The following CEP63 variants were observed in gnomAD, a reference collection of about 807,000 sequenced individuals.
CEP63 encodes centrosomal protein of 63 kDa.
CEP63 carries 84 observed loss-of-function variants against 89.1 expected under a neutral mutation model. The observed-to-expected ratio is 0.94, with a 90% CI of 0.79 to 1.13. The LOEUF is 1.13. Among genes scored for constraint, CEP63 ranks in the 50% most tolerant of loss-of-function variants. The pLI is 0.00. For synonymous variants in CEP63, 267 were observed against 272.5 expected (o/e 0.98, Z 0.20); for missense variants, 838 against 813.3 (o/e 1.03, Z -0.37).
the CEP63 span, among the ~76,000 whole-genome samples, chr3:134,650,236 G>C: frequency 6.6e-6 from 1 of 152,224 alleles, no homozygotes; most frequent in Admixed American, 6.5e-5. Context: ...ATAAGTTCAA[G>C]TGGAGACAGC....
chr3:134,717,969 A>AG, the CEP63 span, among the ~76,000 whole-genome samples: 6 of 152,130 alleles, frequency 3.9e-5, no homozygotes, highest in African/African-American at 1.4e-4. Context: ...GGCTTTACTG[A>AG]CAAGTTTCTA....
At chr3:134,636,673 C>A in the CEP63 span, among the ~76,000 whole-genome samples, 1 of 152,202 alleles carries the variant, frequency 6.6e-6, no homozygotes, top group Admixed American at 6.5e-5. Flanking sequence ...TTCTAGCTAA[C>A]CTGCAGATTG....
At chr3:134,586,071 A>T (rs9714039) in intron 10 of CEP63, among the ~76,000 whole-genome samples, 97,839 of 151,770 alleles carry the variant, frequency 0.64, 32,111 homozygotes, top group East Asian at 0.81. Flanking sequence ...CCATCCCTTT[A>T]TTTTGAGCCT....
chr3:134,741,987 AGT>A, the CEP63 span, among the ~76,000 whole-genome samples: 2,270 of 146,820 alleles, frequency 0.015, 33 homozygotes, highest in East Asian at 0.045. Context: ...CTGAGAGACC[AGT>A]GTGTGTGTGT....
intron 10 of CEP63, among the ~76,000 whole-genome samples, chr3:134,549,857 G>A (rs574513964): frequency 2.6e-5 from 4 of 152,264 alleles, no homozygotes; most frequent in African/African-American, 7.2e-5. Flanking sequence ...CTGTTTTGAG[G>A]TATAATAAAT....
At chr3:134,664,644 C>T in the CEP63 span, among the ~76,000 whole-genome samples, 1 of 149,280 alleles carries the variant, frequency 6.7e-6, no homozygotes, top group Non-Finnish European at 1.5e-5. Context: ...CCTCCTGGCA[C>T]ATGACAGGTG....
At chr3:134,574,324 T>G (rs896296183) in intron 11 of CEP63, among the ~76,000 whole-genome samples, 2 of 152,180 alleles carry the variant, frequency 1.3e-5, no homozygotes, top group African/African-American at 2.4e-5. Context: ...AAATCTGTTT[T>G]TACAAAGCAA....
intron 9 of CEP63, 112 bp from the exon 10 acceptor site, chr3:134,548,947 ATGT>A (rs1210203399): frequency 5.7e-6 from 4 of 698,108 alleles, no homozygotes. Flanking sequence ...GACTGAGGTG[ATGT>A]TTAAGATATT....
chr3:134,615,855 TCTGACTGCACACA>T, the CEP63 span, among the ~76,000 whole-genome samples: 1 of 152,198 alleles, frequency 6.6e-6, no homozygotes, highest in Non-Finnish European at 1.5e-5. Context: ...GAAGCAGCCA[TCTGACTGCACACA>T]CTCCTGCCCC....
chr3:134,605,128 C>A, the CEP63 span, among the ~76,000 whole-genome samples: 35 of 152,102 alleles, frequency 2.3e-4, no homozygotes, highest in African/African-American at 8.2e-4. Context: ...TGCCACCCCC[C>A]ATCTCTCCCC....
At chr3:134,710,878 T>A in the CEP63 span, among the ~76,000 whole-genome samples, 1 of 151,986 alleles carries the variant, frequency 6.6e-6, no homozygotes, top group African/African-American at 2.4e-5. Context: ...CGCACCACCA[T>A]GCCAGGCTAA....
At chr3:134,608,453 C>A in the CEP63 span, 13 of 1,522,900 alleles carry the variant, frequency 8.5e-6, no homozygotes, top group Non-Finnish European at 1.1e-5. Flanking sequence ...GCCTATGGCC[C>A]TTCCCTGCCC....
intron 1 of CEP63, among the ~76,000 whole-genome samples, chr3:134,492,597 A>G (rs570002371): frequency 6.7e-6 from 1 of 150,104 alleles, no homozygotes; most frequent in Admixed American, 6.6e-5. Flanking sequence ...TTTAAACAGG[A>G]ATCTCTATCT....
the CEP63 span, among the ~76,000 whole-genome samples, chr3:134,645,682 G>A: frequency 1.3e-5 from 2 of 152,102 alleles, no homozygotes; most frequent in Admixed American, 6.5e-5. Context: ...CTGGGCTCAG[G>A]GCCTCTGTGG....
downstream of CEP63, among the ~76,000 whole-genome samples, chr3:134,576,107 C>T (rs1328573917): frequency 1.3e-5 from 2 of 152,132 alleles, no homozygotes; most frequent in South Asian, 2.1e-4. Context: ...ATGCTTTTCA[C>T]GGGAAGTCTT....
the CEP63 span, among the ~76,000 whole-genome samples, chr3:134,666,667 C>T: frequency 3.9e-5 from 6 of 152,132 alleles, no homozygotes; most frequent in Non-Finnish European, 7.4e-5. Flanking sequence ...GGAGGCACCT[C>T]GGAGGTCATG....
the CEP63 span, among the ~76,000 whole-genome samples, chr3:134,738,971 A>T: frequency 6.6e-6 from 1 of 151,860 alleles, no homozygotes; most frequent in Admixed American, 6.6e-5. Context: ...TATAATAAAA[A>T]AAAAAAAAAC....
the CEP63 span, among the ~76,000 whole-genome samples, chr3:134,694,337 T>A: frequency 1.3e-5 from 2 of 152,192 alleles, no homozygotes; most frequent in African/African-American, 4.8e-5. Flanking sequence ...AGGCTCCTCA[T>A]CTGGCTGCAG....
chr3:134,649,083 G>T, the CEP63 span, among the ~76,000 whole-genome samples: 1 of 152,178 alleles, frequency 6.6e-6, no homozygotes, highest in Admixed American at 6.5e-5. Flanking sequence ...GGCATCAAAA[G>T]CCATGCACTT....
Sources: gnomAD v4.1 joint callset for allele counts (sites outside exome capture counted in the v4.1 genomes callset) on GRCh38, gnomAD v4.1.1 for gene constraint, MANE v1.5 for transcripts, NCBI Gene and HGNC (gene_info 2026-07-23, HGNC 2026-07-21) for gene names.